Variants in FRMD4B observed in about 807,000 individuals in gnomAD.
FRMD4B encodes the protein FERM domain-containing protein 4B.
FRMD4B carries 74 observed loss-of-function variants against 141.5 expected under a neutral mutation model. That is an observed-to-expected ratio of 0.52 (90% CI 0.43 to 0.63). The LOEUF is 0.63. Among genes scored for constraint, FRMD4B ranks in the 30% least tolerant of loss-of-function variants. The pLI, the probability that FRMD4B is intolerant of heterozygous loss-of-function variation, is 0.00. For synonymous variants in FRMD4B, 506 were observed against 467.9 expected (o/e 1.08, Z -1.05); for missense variants, 1,366 against 1,253.4 (o/e 1.09, Z -1.36).
chr3:69,264,285 G>A lies in FRMD4B; in HGVS notation c.502-14186C>T, dbSNP rs556839614. The stretch of plus-strand genomic sequence containing the variant: ...CCTGCCTAGTAGGTATAATTCTTAA[G>A]GGCAGGAATTGTTATCTGTTTTTGC... On this transcript the variant is annotated intron_variant, in intron 5 of 22. Transcript: ENST00000398540. Among the ~76,000 whole-genome samples the A allele has an allele frequency of 1.1e-4, 16 of 152,212 alleles. No homozygotes were observed. In the South Asian group the frequency reaches 1.9e-3, roughly 18 times the overall value.
chr3:69,271,225 G>C (rs2093593002), intron 5 of FRMD4B, among the ~76,000 whole-genome samples: 1 of 152,182 alleles, frequency 6.6e-6, no homozygotes, highest in Non-Finnish European at 1.5e-5. Context: ...TTAGTAGCTT[G>C]TCTTGACGTA....
At chr3:69,379,987 C>T (rs1332907486) in intron 1 of FRMD4B, among the ~76,000 whole-genome samples, 2 of 152,204 alleles carry the variant, frequency 1.3e-5, no homozygotes, top group Non-Finnish European at 1.5e-5. Context: ...AGGGTGAGAG[C>T]AAGCAAACTG....
At position 69,181,719 on chromosome 3, in the gene FRMD4B, G is replaced by A. The variant is rs762953594; in HGVS notation, c.2040-9C>T. The A allele has an allele frequency of 1.9e-6, 3 of 1,582,180 alleles. No homozygotes were observed. Among genetic ancestry groups the A allele is most frequent in the Non-Finnish European group, 2.6e-6 (3 of 1,159,130 alleles). The stretch of plus-strand genomic sequence containing the variant: ...GAGATGAAGATTCGGGTCTGAAAGA[G>A]GAGAAAGGCAAACTTCTCAACACCA... On this transcript the variant is annotated splice_polypyrimidine_tract_variant and intron_variant, in intron 20 of 22. Coordinates refer to ENST00000398540, the MANE Select transcript of FRMD4B (RefSeq NM_015123.3).
At chr3:69,219,057 T>C (rs558161592) in intron 9 of FRMD4B, among the ~76,000 whole-genome samples, 1 of 150,152 alleles carries the variant, frequency 6.7e-6, no homozygotes, top group South Asian at 2.1e-4. Flanking sequence ...CCCAGCTATA[T>C]GGGAGGCTGA....
intron 19 of FRMD4B, among the ~76,000 whole-genome samples, chr3:69,184,940 T>G (rs1196326575): frequency 6.6e-6 from 1 of 152,166 alleles, no homozygotes; most frequent in Non-Finnish European, 1.5e-5. Flanking sequence ...AGGCAAAAGT[T>G]CCTAAATGCT....
In FRMD4B at chr3:69,195,062, G is replaced by A. The variant is rs1559704129; in HGVS notation, c.1448C>T (p.Thr483Ile). The change falls in exon 16 of 23, where the codon ACT becomes ATT. Residue 483 changes from threonine (T) to isoleucine (I), a missense_variant. Coordinates refer to ENST00000398540, the MANE Select transcript of FRMD4B (RefSeq NM_015123.3). ...CAAGTTGTCATCTAATTTGAACGCAGTACCCACACGTCTTCTGACCTGAGG... is the reference window on the plus strand; with the variant it reads ...CAAGTTGTCATCTAATTTGAACGCAATACCCACACGTCTTCTGACCTGAGG... Reference protein sequence around the residue: ...KPPQVRRRVGTAFKLDDNLLP... With the variant: ...KPPQVRRRVGIAFKLDDNLLP... The A allele has an allele frequency of 6.2e-7, 1 of 1,613,674 alleles. No individual in the cohort carries two copies. The highest frequency in any genetic ancestry group is 1.7e-5 in the Admixed American group (1 of 60,010).
In FRMD4B at chr3:69,525,280, C is replaced by G. The variant is rs867893416; in HGVS notation, c.-129+16926G>C. Among the ~76,000 whole-genome samples, 1,290 of 152,278 alleles carry G rather than the reference C, an allele frequency of 8.5e-3. 21 individuals carry two copies. Among genetic ancestry groups the G allele is most frequent in the African/African-American group, 0.029 (1,188 of 41,540 alleles). On this transcript the variant is annotated intron_variant, in intron 1 of 5. Transcript: ENST00000459638. ...TCAGACTCCCCTTTCTCAGAGCACA[C>G]AGGATGGGTAGATGTTGGGTTTTTG...
At chr3:69,261,113 T>G (rs1390431133) in intron 5 of FRMD4B, among the ~76,000 whole-genome samples, 1 of 152,164 alleles carries the variant, frequency 6.6e-6, no homozygotes, top group African/African-American at 2.4e-5. Flanking sequence ...AGGGTTGTTC[T>G]TTTTGGTCTT....
At position 69,245,330 on chromosome 3, in the gene FRMD4B, TGTGTGTGTGTG is replaced by T. The variant is rs1446473321; in HGVS notation, c.581+3885_581+3895del. On this transcript the variant is annotated intron_variant, in intron 7 of 22. Coordinates refer to ENST00000398540, the MANE Select transcript of FRMD4B (RefSeq NM_015123.3). ...GCCTGACTTTCTTTGTGTGTGTGTG[TGTGTGTGTGTG>T]TGTGTGTGTGTGTTTTTAGACAGAG... 2.6e-3 allele frequency among the ~76,000 whole-genome samples: 387 copies of T among 150,280 alleles called. 2 individuals are homozygous for T. The highest frequency in any genetic ancestry group is 9.4e-3 in the African/African-American group (377 of 39,910).
intron 5 of FRMD4B, among the ~76,000 whole-genome samples, chr3:69,284,536 GA>G (rs1172901892): frequency 1.3e-5 from 2 of 151,880 alleles, no homozygotes; most frequent in South Asian, 2.1e-4. Flanking sequence ...AGCAAGACCT[GA>G]AAAAAACCAA....
intron 7 of FRMD4B, among the ~76,000 whole-genome samples, chr3:69,232,842 C>T (rs2093318984): frequency 6.6e-6 from 1 of 150,980 alleles, no homozygotes; most frequent in Non-Finnish European, 1.5e-5. Flanking sequence ...TGGGGGCATC[C>T]TCCATTTGTA....
At chr3:69,252,362 G>A (rs563473830) in intron 5 of FRMD4B, among the ~76,000 whole-genome samples, 1 of 152,288 alleles carries the variant, frequency 6.6e-6, no homozygotes, top group East Asian at 1.9e-4. Context: ...TACACAAGTG[G>A]CCCCAATACA....
At chr3:69,485,434 C>T (rs903022086) in intron 1 of FRMD4B, among the ~76,000 whole-genome samples, 7 of 152,160 alleles carry the variant, frequency 4.6e-5, no homozygotes, top group South Asian at 2.1e-4. Context: ...GGCCCAGATC[C>T]GCACCCAGGA....
intron 4 of FRMD4B, among the ~76,000 whole-genome samples, chr3:69,289,964 A>G (rs1384246715): frequency 6.6e-6 from 1 of 152,058 alleles, no homozygotes; most frequent in Non-Finnish European, 1.5e-5. Flanking sequence ...ACCTCTCCTT[A>G]CTTCTCCAGA....
At chr3:69,391,431 ATGTTCCCCACCC>A (rs1225974957) in intron 2 of FRMD4B, among the ~76,000 whole-genome samples, 1 of 118,414 alleles carries the variant, frequency 8.4e-6, no homozygotes, top group Admixed American at 1.1e-4. Flanking sequence ...CCGGAGTGTG[ATGTTCCCCACCC>A]TGTGTCCAAG....
chr3:69,341,624 G>A (rs183089900), intron 1 of FRMD4B, among the ~76,000 whole-genome samples: 1 of 152,282 alleles, frequency 6.6e-6, no homozygotes, highest in Admixed American at 6.5e-5. Context: ...CTTGTTTCTT[G>A]GGCATTGCTA....
chr3:69,405,123 A>G (rs1368572973), intron 2 of FRMD4B, among the ~76,000 whole-genome samples: 2 of 152,208 alleles, frequency 1.3e-5, no homozygotes, highest in Non-Finnish European at 2.9e-5. Context: ...AGGCAGGGTC[A>G]AACAGACCTT....
chr3:69,462,859 CATA>C (rs1038347193), intron 1 of FRMD4B, among the ~76,000 whole-genome samples: 15 of 152,224 alleles, frequency 9.9e-5, no homozygotes, highest in Non-Finnish European at 1.0e-4. Context: ...TGCTCAGAAG[CATA>C]ATAATTTCAT....
chr3:69,179,009 A>G (rs998348597), intron 21 of FRMD4B, among the ~76,000 whole-genome samples: 3 of 151,786 alleles, frequency 2.0e-5, no homozygotes, highest in African/African-American at 7.3e-5. Context: ...CTGGCAAATA[A>G]CTGGAAATTT....
Sources: gnomAD v4.1 joint callset for allele counts (sites outside exome capture counted in the v4.1 genomes callset) on GRCh38, gnomAD v4.1.1 for gene constraint, MANE v1.5 for transcripts, NCBI Gene and HGNC (gene_info 2026-07-23, HGNC 2026-07-21) for gene names.